The following EXOSC9 variants were observed in gnomAD, a reference collection of about 807,000 sequenced individuals.
EXOSC9 encodes exosome component 9.
A neutral mutation model predicts 56.5 loss-of-function variants in EXOSC9; 38 were observed. The ratio of observed to expected loss-of-function variants is 0.67; its 90% CI spans 0.52 to 0.88. The LOEUF (loss-of-function observed/expected upper bound fraction) is 0.88. EXOSC9 is among the 40% of genes least tolerant of loss of function. The probability of loss-of-function intolerance (pLI) is 0.00; values close to 1 mark genes in which losing one functional copy is unlikely to be tolerated. For synonymous variants in EXOSC9, 170 were observed against 170.8 expected (o/e 0.99, Z 0.04); for missense variants, 559 against 530.5 (o/e 1.05, Z -0.53).
chr4:121,806,422 C>T (rs187096980), intron 5 of EXOSC9, among the ~76,000 whole-genome samples: 6 of 151,358 alleles, frequency 4.0e-5, no homozygotes, highest in Admixed American at 6.6e-5. Flanking sequence ...GGATTACAGA[C>T]GTGAGCCACT....
Position 121,816,823 on chromosome 4 carries a change from GAAAAGAAGAA to G in EXOSC9, c.1297_1306del (p.Lys433GlufsTer39). The G allele has an allele frequency of 6.3e-7, 1 of 1,598,194 alleles. No homozygotes were observed. Among genetic ancestry groups the G allele is most frequent in the Non-Finnish European group, 8.5e-7 (1 of 1,170,928 alleles). Reference sequence around the variant, plus strand: ...AAAAAGCACCAAGTAAAAAGCCAGTGAAAAGAAGAAAAAAGAAGAGAGCTGCCAATTAAAG... The same window carrying G: ...AAAAAGCACCAAGTAAAAAGCCAGTGAAAAGAAGAGAGCTGCCAATTAAAG... On this transcript the variant is annotated frameshift_variant, in exon 12 of 12. Coordinates refer to ENST00000243498, the MANE Select transcript of EXOSC9 (RefSeq NM_005033.3). LOFTEE classifies it high-confidence loss of function.
chr4:121,811,723 T>C lies in EXOSC9; in HGVS notation c.827+52T>C, dbSNP rs749570161. 1.2e-5 allele frequency: 11 copies of C among 912,108 alleles called. 1 individual carries two copies. The East Asian group carries it at 2.8e-4, about 24-fold the overall frequency. The allele number at this position is 912,108 out of a possible 1,614,324, so 56.5% of individuals were successfully genotyped here. The stretch of plus-strand genomic sequence containing the variant: ...GTCTTTTATTTTCATTTTTTAAATT[T>C]TTATTATTTTTTTTAGTATAAGCAA... On this transcript the variant is annotated intron_variant, in intron 8 of 11. Transcript: ENST00000243498.
chr4:121,810,845 G>A (rs1727191491), intron 7 of EXOSC9, among the ~76,000 whole-genome samples: 2 of 152,162 alleles, frequency 1.3e-5, no homozygotes, highest in Admixed American at 6.5e-5. Flanking sequence ...CCTGGGCTAC[G>A]GAATGAGACC....
Position 121,816,375 on chromosome 4 carries a change from C to G in EXOSC9, c.1163C>G (p.Pro388Arg). ...EVSDIGSQDA[P>R]IILSDSEEEE... is the part of the protein sequence containing the mutation. ...AATTAATAAAAAAACAAAGATGCTC[C>G]CATAATACTCTCAGATAGTGAAGAA... Residue 388 changes from proline (P) to arginine (R), a missense_variant, in exon 11 of 12, where the codon CCC becomes CGC. Physicochemically the swap from Pro to Arg is moderately radical, Grantham distance 103. Coordinates refer to ENST00000243498, the MANE Select transcript of EXOSC9 (RefSeq NM_005033.3). 6.6e-7 allele frequency: 1 copy of G among 1,524,434 alleles called. No homozygotes were observed. The highest frequency in any genetic ancestry group is 8.8e-7 in the Non-Finnish European group (1 of 1,131,178). The allele number at this position is 1,524,434 out of a possible 1,614,324, so 94.4% of individuals were successfully genotyped here. A position where few individuals can be genotyped will look rare whatever the true frequency, so the allele number is the denominator to read the frequency against.
chr4:121,801,535 G>T (rs1329231592), intron 1 of EXOSC9, 45 bp downstream of exon 1: 2 of 1,592,042 alleles, frequency 1.3e-6, no homozygotes, highest in Non-Finnish European at 1.7e-6. Context: ...TGGGCGCTCG[G>T]GTCTCAAGGT....
At position 121,803,063 on chromosome 4, in the gene EXOSC9, G is replaced by T; in HGVS notation, c.384+46G>T. On this transcript the variant is annotated intron_variant, in intron 4 of 11. Transcript: ENST00000243498. The stretch of plus-strand genomic sequence containing the variant: ...TCTTAATCTTAGGATGAATACTGTT[G>T]ATCATGGATCCCGGTATCTATCCTT... 3.2e-6 allele frequency: 4 copies of T among 1,259,424 alleles called. No homozygotes were observed. In the South Asian group the frequency reaches 4.8e-5, roughly 15 times the overall value. 78.0% of individuals were successfully genotyped at this position (1,259,424 alleles called of 1,614,324 possible).
Position 121,801,442 on chromosome 4 carries a change from C to G in EXOSC9, c.18C>G (p.Leu6=). Residue 6 remains leucine, a synonymous_variant, in exon 1 of 12, where the codon CTC becomes CTG. Transcript: ENST00000243498. MKETP[L]SNCERRFLLR... ...CCAACACCATGAAGGAAACGCCACT[C>G]TCAAACTGCGAACGCCGCTTCCTAC... 6.2e-7 allele frequency: 1 copy of G among 1,614,222 alleles called. No individual in the cohort carries two copies. Among genetic ancestry groups the G allele is most frequent in the South Asian group, 1.1e-5 (1 of 91,086 alleles).
rs763427765 is a variant in EXOSC9 at position 121,816,187 on chromosome 4, G to A, written c.1157-182G>A. The A allele has an allele frequency of 1.5e-6, 1 of 648,410 alleles. No homozygotes were observed. Among genetic ancestry groups the A allele is most frequent in the Non-Finnish European group, 2.7e-6 (1 of 364,202 alleles). The allele number at this position is 648,410 out of a possible 1,614,324, so 40.2% of individuals were successfully genotyped here. A position where few individuals can be genotyped will look rare whatever the true frequency, so the allele number is the denominator to read the frequency against. On this transcript the variant is annotated intron_variant, in intron 10 of 11. Coordinates refer to ENST00000243498, the MANE Select transcript of EXOSC9 (RefSeq NM_005033.3). ...TTGGCCAGACTGGACTCGAGTTCCT[G>A]ACCTCAGGTAATCCACCTGCCTCAG... is the stretch of plus-strand genomic sequence containing the variant.
intron 11 of EXOSC9, 124 bp from the exon 12 acceptor site, chr4:121,816,639 AACTTCTTGG>A: frequency 1.1e-6 from 1 of 952,066 alleles, no homozygotes; most frequent in Non-Finnish European, 1.5e-6. Flanking sequence ...CTATAATATA[AACTTCTTGG>A]ATGCCAGTCT....
chr4:121,804,375 CGTA>C lies in EXOSC9; in HGVS notation c.385-243_385-241del, dbSNP rs367980455. 71 of 283,690 alleles carry C rather than the reference CGTA, an allele frequency of 2.5e-4. 1 individual carries two copies. Among genetic ancestry groups the C allele is most frequent in the South Asian group, 1.7e-3 (16 of 9,658 alleles). 17.6% of individuals were successfully genotyped at this position (283,690 alleles called of 1,614,324 possible). A position where few individuals can be genotyped will look rare whatever the true frequency, so the allele number is the denominator to read the frequency against. On this transcript the variant is annotated intron_variant, in intron 4 of 11. Coordinates refer to ENST00000243498, the MANE Select transcript of EXOSC9 (RefSeq NM_005033.3). The stretch of plus-strand genomic sequence containing the variant: ...TAATTAGATTTGAGGTTAGGAAAAT[CGTA>C]GTATTAAATGTTAGAGTGGTTCTGT...
At chr4:121,808,690 T>G (rs1727118615) in intron 6 of EXOSC9, among the ~76,000 whole-genome samples, 1 of 152,032 alleles carries the variant, frequency 6.6e-6, no homozygotes, top group East Asian at 1.9e-4. Flanking sequence ...TTTCTTTTTT[T>G]TTTTTAAGAC....
rs980112925 is a variant in EXOSC9, at chr4:121,809,739, T to G, written c.606-228T>G. On this transcript the variant is annotated intron_variant, in intron 6 of 11. Coordinates refer to ENST00000243498, the MANE Select transcript of EXOSC9 (RefSeq NM_005033.3). ...TCATTTAAGTAAATCCAATCTGAAC[T>G]TAATGTGATTTCATTGTAATAACTA... 5.5e-6 allele frequency: 3 copies of G among 549,322 alleles called. No homozygotes were observed. The African/African-American group carries it at 5.7e-5, about 10-fold the overall frequency. The allele number at this position is 549,322 out of a possible 1,614,324, so 34.0% of individuals were successfully genotyped here.
chr4:121,816,454 A>G lies in EXOSC9; in HGVS notation c.1235+7A>G. 2 of 1,538,596 alleles carry G rather than the reference A, an allele frequency of 1.3e-6. No homozygotes were observed. Among genetic ancestry groups the G allele is most frequent in the Non-Finnish European group, 8.8e-7 (1 of 1,135,138 alleles). ...AGAATCCAAAGAAAATAAGGTAACAAATTTCTGGTTTATTTCAAATGTATA... is the reference window on the plus strand; with the variant it reads ...AGAATCCAAAGAAAATAAGGTAACAGATTTCTGGTTTATTTCAAATGTATA... On this transcript the variant is annotated splice_region_variant and intron_variant, in intron 11 of 11. Coordinates refer to ENST00000243498, the MANE Select transcript of EXOSC9 (RefSeq NM_005033.3).
chr4:121,804,757 C>A lies in EXOSC9; in HGVS notation c.520C>A (p.Leu174Met). Reference protein sequence around the residue: ...DVSVQGDEVTLYTPEERDPVP... With the variant: ...DVSVQGDEVTMYTPEERDPVP... ...CTCTGTCCAAGGAGATGAAGTAACA[C>A]TGGTAAGCTCCTATGTGAACCAGGA... The change falls in exon 5 of 12, where the codon CTG (leucine) becomes ATG (methionine). Residue 174 changes from leucine (L) to methionine (M), a missense_variant and splice_region_variant. Coordinates refer to ENST00000243498, the MANE Select transcript of EXOSC9 (RefSeq NM_005033.3). 1.2e-6 allele frequency: 2 copies of A among 1,603,864 alleles called. No individual in the cohort carries two copies. Among genetic ancestry groups the A allele is most frequent in the African/African-American group, 2.7e-5 (2 of 74,936 alleles).
At chr4:121,803,073 C>T (rs1213281451) in intron 4 of EXOSC9, 56 bp downstream of exon 4, 3 of 1,187,440 alleles carry the variant, frequency 2.5e-6, no homozygotes, top group Non-Finnish European at 3.8e-6. Context: ...GATCATGGAT[C>T]CCGGTATCTA....
At chr4:121,815,649 C>T in intron 10 of EXOSC9, 2 of 985,366 alleles carry the variant, frequency 2.0e-6, no homozygotes, top group Non-Finnish European at 2.4e-6. Flanking sequence ...AGAAAAATGA[C>T]ATGGCATTTT....
chr4:121,809,919 A>T (rs762750017), intron 6 of EXOSC9, 48 bp from the exon 7 acceptor site: 1 of 1,608,044 alleles, frequency 6.2e-7, no homozygotes, highest in East Asian at 2.2e-5. Flanking sequence ...AAGAAATGGT[A>T]AGCATTCGGT....
chr4:121,807,584 C>T lies in EXOSC9; in HGVS notation c.567C>T (p.His189=). ...ERDPVPLSIH[H]MPICVSFAFF... ...ATCCTGTACCATTAAGTATCCACCA[C>T]ATGCCCATTTGTGTCAGTTTTGCCT... Residue 189 remains histidine, a synonymous_variant, in exon 6 of 12, where the codon CAC becomes CAT. Transcript: ENST00000243498. 2 of 1,613,646 alleles carry T rather than the reference C, an allele frequency of 1.2e-6. No homozygotes were observed. Among genetic ancestry groups the T allele is most frequent in the Non-Finnish European group, 1.7e-6 (2 of 1,179,572 alleles).
chr4:121,807,432 T>G, intron 5 of EXOSC9, 108 bp from the exon 6 acceptor site: 1 of 575,284 alleles, frequency 1.7e-6, no homozygotes, highest in Non-Finnish European at 3.0e-6. Flanking sequence ...ATTTAGGTAC[T>G]CAAAAGAATA....
Sources: allele counts gnomAD v4.1 joint callset (sites outside exome capture counted in the v4.1 genomes callset), GRCh38; gene constraint gnomAD v4.1.1; transcripts MANE v1.5; gene names NCBI Gene and HGNC (gene_info 2026-07-23, HGNC 2026-07-21).